The following KALRN variants were observed in gnomAD, a reference collection of about 807,000 sequenced individuals.
The protein encoded by KALRN is kalirin.
Under a neutral mutation model 353.7 loss-of-function variants are expected in KALRN, and 70 were observed. That is an observed-to-expected ratio of 0.20 (90% confidence interval 0.16 to 0.24). The LOEUF is 0.24. Ranked by LOEUF, KALRN falls within the 10% of genes least tolerant of loss-of-function variation. KALRN has a pLI of 1.00. For missense variants in KALRN, 2,791 were observed against 3,756.7 expected, an observed-to-expected ratio of 0.74 and a Z score of 6.72; for synonymous variants, 1,391 against 1,434.8, an observed-to-expected ratio of 0.97 and a Z score of 0.69.
At chr3:124,232,835 A>G (rs2079321186) in intron 2 of KALRN, among the ~76,000 whole-genome samples, 1 of 152,106 alleles carries the variant, frequency 6.6e-6, no homozygotes, top group African/African-American at 2.4e-5. Context: ...ATTAATGGAC[A>G]CTATGCTTAG....
chr3:124,411,023 G>A (rs2092103189), intron 13 of KALRN, among the ~76,000 whole-genome samples: 1 of 152,148 alleles, frequency 6.6e-6, no homozygotes, highest in Admixed American at 6.5e-5. Context: ...CTGTAGCAAG[G>A]AATGAACTAA....
intron 1 of KALRN, chr3:124,152,083 G>A (rs889781751): frequency 2.4e-6 from 3 of 1,265,762 alleles, no homozygotes; most frequent in Non-Finnish European, 3.4e-6. Flanking sequence ...AGGGCCACAG[G>A]AAGTTATTTG....
intron 1 of KALRN, among the ~76,000 whole-genome samples, chr3:124,186,416 G>T (rs1297021489): frequency 1.3e-5 from 2 of 152,208 alleles, no homozygotes; most frequent in Admixed American, 6.5e-5. Flanking sequence ...CCATGGGGTT[G>T]TAGTAGGGAT....
chr3:124,553,904 A>G (rs768416503), intron 33 of KALRN, among the ~76,000 whole-genome samples: 1 of 152,270 alleles, frequency 6.6e-6, no homozygotes, highest in African/African-American at 2.4e-5. Flanking sequence ...TGGGTTCCCC[A>G]GGGGCAATGA....
At chr3:124,466,074 G>A (rs1020029157) in intron 25 of KALRN, among the ~76,000 whole-genome samples, 2 of 139,020 alleles carry the variant, frequency 1.4e-5, no homozygotes, top group African/African-American at 2.6e-5. Flanking sequence ...GTGTGTGTGT[G>A]TGTCTGTGAT....
Position 124,395,216 on chromosome 3 carries a change from A to T in KALRN, c.2044A>T (p.Ile682Phe). 1.9e-6 allele frequency: 3 copies of T among 1,613,090 alleles called. No homozygotes were observed. The highest frequency in any genetic ancestry group is 2.5e-6 in the Non-Finnish European group (3 of 1,179,782). ...ADSVDAVQEL[I>F]KQFQQQQTAT... ...TTCTGTGGATGCAGTCCAGGAACTGATCAAGCAGTTCCAGCAGCAGCAGAC... is the reference window on the plus strand; with the variant it reads ...TTCTGTGGATGCAGTCCAGGAACTGTTCAAGCAGTTCCAGCAGCAGCAGAC... Residue 682 changes from isoleucine to phenylalanine, a missense_variant, in exon 12 of 60, where the codon ATC (isoleucine) becomes TTC (phenylalanine). By Grantham distance (21) the Ile-to-Phe change is conservative. Around this residue, in one of 11 missense-constraint regions of KALRN, gnomAD observed 452 missense variants for 575.8 expected, o/e 0.78. Coordinates refer to ENST00000682506, the MANE Select transcript of KALRN (RefSeq NM_001388419.1).
At chr3:124,406,371 G>A (rs766841083) in intron 13 of KALRN, among the ~76,000 whole-genome samples, 3 of 152,158 alleles carry the variant, frequency 2.0e-5, no homozygotes, top group Non-Finnish European at 2.9e-5. Context: ...AATGACCATG[G>A]TACTTTAGCT....
At chr3:124,635,509 T>A (rs1248419059) in intron 36 of KALRN, among the ~76,000 whole-genome samples, 1 of 152,228 alleles carries the variant, frequency 6.6e-6, no homozygotes, top group East Asian at 1.9e-4. Context: ...TTCAGATACA[T>A]GAACTCTCCT....
intron 57 of KALRN, among the ~76,000 whole-genome samples, chr3:124,705,877 T>TTC (rs139555597): frequency 6.9e-6 from 1 of 145,040 alleles, no homozygotes. Context: ...TCCTCCCTCT[T>TTC]TCTCTCTCTC....
intron 1 of KALRN, among the ~76,000 whole-genome samples, chr3:124,050,533 G>A (rs1016220612): frequency 6.6e-6 from 1 of 152,162 alleles, no homozygotes; most frequent in Non-Finnish European, 1.5e-5. Context: ...AGGGTTCTCA[G>A]GTGCCCTCAT....
Position 124,693,834 on chromosome 3 carries a change from G to A in KALRN, c.7405+3G>A. The stretch of plus-strand genomic sequence containing the variant: ...AAATCCAAATTTCATCCAAGAAGGT[G>A]AGTTAAAAAGCATTAGAATTGGAAA... On this transcript the variant is annotated splice_donor_region_variant and intron_variant, in intron 52 of 59. Transcript: ENST00000682506. 6.4e-7 allele frequency: 1 copy of A among 1,565,962 alleles called. No individual in the cohort carries two copies. Among genetic ancestry groups the A allele is most frequent in the South Asian group, 1.2e-5 (1 of 86,748 alleles).
At position 124,269,219 on chromosome 3, in the gene KALRN, C is replaced by T. The variant is rs2148925509; in HGVS notation, c.933C>T (p.Cys311=). ...TGCGCAAGCTCAAGCTGGACCAGTG[C>T]TTTCAGCTGCGGCTCTTCGAGCAGG... is the stretch of plus-strand genomic sequence containing the variant. The part of the protein sequence containing the change: ...WHVRKLKLDQ[C]FQLRLFEQDA... The change falls in exon 5 of 60, where the codon TGC becomes TGT. Residue 311 remains cysteine (C), a synonymous_variant. Transcript: ENST00000682506. 1 of 1,603,374 alleles carries T rather than the reference C, an allele frequency of 6.2e-7. No individual in the cohort carries two copies. Among genetic ancestry groups the T allele is most frequent in the South Asian group, 1.1e-5 (1 of 90,818 alleles).
chr3:124,139,609 G>A (rs1296273397), intron 1 of KALRN, among the ~76,000 whole-genome samples: 1 of 152,166 alleles, frequency 6.6e-6, no homozygotes, highest in Non-Finnish European at 1.5e-5. Context: ...GGCACAGTGA[G>A]AGGGAATGCA....
At chr3:124,532,825 T>C (rs1015759241) in intron 33 of KALRN, among the ~76,000 whole-genome samples, 1 of 151,868 alleles carries the variant, frequency 6.6e-6, no homozygotes, top group African/African-American at 2.4e-5. Flanking sequence ...AGAAAAAAAC[T>C]GTTTCCTAAT....
intron 26 of KALRN, among the ~76,000 whole-genome samples, chr3:124,475,502 A>G (rs183405758): frequency 3.8e-4 from 58 of 152,330 alleles, no homozygotes; most frequent in Admixed American, 3.4e-3. Flanking sequence ...GAGTGCAAAC[A>G]TGGAAATCCT....
intron 1 of KALRN, chr3:124,152,282 GT>G: frequency 8.0e-7 from 1 of 1,257,670 alleles, no homozygotes; most frequent in Non-Finnish European, 1.2e-6. Context: ...GCAATATATG[GT>G]TCTACAGTCC....
At chr3:124,185,694 C>T (rs1351121811) in intron 1 of KALRN, among the ~76,000 whole-genome samples, 1 of 152,150 alleles carries the variant, frequency 6.6e-6, no homozygotes, top group African/African-American at 2.4e-5. Context: ...GCATAGATGG[C>T]ACCAGTTGTC....
intron 1 of KALRN, among the ~76,000 whole-genome samples, chr3:124,106,545 G>A (rs2062330041): frequency 6.6e-6 from 1 of 152,192 alleles, no homozygotes; most frequent in Non-Finnish European, 1.5e-5. Context: ...CCAGCTCAGA[G>A]GGTACTGTCA....
chr3:124,523,603 T>G (rs1256759927), intron 33 of KALRN, among the ~76,000 whole-genome samples: 2 of 152,246 alleles, frequency 1.3e-5, no homozygotes, highest in Non-Finnish European at 2.9e-5. Flanking sequence ...TTGAAAGTTT[T>G]CTGTTTCACG....
Sources: allele counts gnomAD v4.1 joint callset (sites outside exome capture counted in the v4.1 genomes callset), GRCh38; gene constraint gnomAD v4.1.1; regional missense constraint gnomAD v4.1.1; transcripts MANE v1.5; gene names NCBI Gene and HGNC (gene_info 2026-07-23, HGNC 2026-07-21).